The following AGBL4 variants were observed in gnomAD, a reference collection of about 807,000 sequenced individuals.
AGBL4 encodes cytosolic carboxypeptidase 6.
A neutral mutation model predicts 66.4 loss-of-function variants in AGBL4; 58 were observed. The ratio of observed to expected loss-of-function variants is 0.87; its 90% CI spans 0.71 to 1.09. The LOEUF (loss-of-function observed/expected upper bound fraction) is 1.09. Ranked by LOEUF, AGBL4 falls within the 50% of genes least tolerant of loss-of-function variation. The pLI, the probability that AGBL4 is intolerant of heterozygous loss-of-function variation, is 0.00. For synonymous variants in AGBL4, 234 were observed against 222.9 expected (o/e 1.05, Z -0.44); for missense variants, 579 against 631.0 (o/e 0.92, Z 0.88).
At chr1:49,107,181 AG>A (rs1409308304) in intron 4 of AGBL4, among the ~76,000 whole-genome samples, 1 of 152,212 alleles carries the variant, frequency 6.6e-6, no homozygotes, top group African/African-American at 2.4e-5. Context: ...TTCAATAATT[AG>A]TACTCATATA....
chr1:49,445,602 T>C (rs1455618683), intron 3 of AGBL4, among the ~76,000 whole-genome samples: 2 of 152,066 alleles, frequency 1.3e-5, no homozygotes, highest in East Asian at 1.9e-4. Context: ...AAAAGACCTA[T>C]GTTCAAGTTC....
At chr1:49,593,454 A>T (rs1468587496) in intron 3 of AGBL4, among the ~76,000 whole-genome samples, 1 of 152,156 alleles carries the variant, frequency 6.6e-6, no homozygotes, top group East Asian at 1.9e-4. Flanking sequence ...ACTGAAAACA[A>T]CTATAACTAT....
At chr1:49,085,190 T>C (rs1644882805) in intron 4 of AGBL4, among the ~76,000 whole-genome samples, 5 of 152,214 alleles carry the variant, frequency 3.3e-5, no homozygotes, top group Non-Finnish European at 5.9e-5. Flanking sequence ...CTGCCTGAGC[T>C]GAAACATCCA....
chr1:49,302,608 T>A (rs3052046), intron 3 of AGBL4, among the ~76,000 whole-genome samples: 16,235 of 110,026 alleles, frequency 0.15, 2,167 homozygotes, highest in Middle Eastern at 0.2. Flanking sequence ...TTATTTTATT[T>A]TTTTATTTTA....
intron 2 of AGBL4, among the ~76,000 whole-genome samples, chr1:49,779,951 T>C (rs1644296149): frequency 6.6e-6 from 1 of 151,812 alleles, no homozygotes; most frequent in Non-Finnish European, 1.5e-5. Context: ...AAAATTCAAC[T>C]CATCAAATAC....
chr1:49,555,062 C>T (rs1653311180), intron 3 of AGBL4, among the ~76,000 whole-genome samples: 1 of 152,178 alleles, frequency 6.6e-6, no homozygotes, highest in Non-Finnish European at 1.5e-5. Context: ...GAGTGGGTTG[C>T]CACTGCTGGC....
At chr1:49,596,496 A>C (rs1189264428) in intron 3 of AGBL4, among the ~76,000 whole-genome samples, 1 of 152,198 alleles carries the variant, frequency 6.6e-6, no homozygotes, top group Non-Finnish European at 1.5e-5. Context: ...AACACTTATC[A>C]GTAACAGCAC....
rs554758798 is a variant in AGBL4, at chr1:48,562,757, A to G, written c.1268-23019T>C. Among the ~76,000 whole-genome samples, 121 of 152,344 alleles carry G rather than the reference A, an allele frequency of 7.9e-4. 1 individual carries two copies. Among genetic ancestry groups the G allele is most frequent in the African/African-American group, 2.8e-3 (118 of 41,588 alleles). On this transcript the variant is annotated intron_variant, in intron 11 of 13. Coordinates refer to ENST00000371839, the MANE Select transcript of AGBL4 (RefSeq NM_032785.4). Reference sequence around the variant, plus strand: ...TAAGGAACTTCTGCTCAAATCATTCAGCTAGAAAGTAGCTGAGCTTGGATT... The same window carrying G: ...TAAGGAACTTCTGCTCAAATCATTCGGCTAGAAAGTAGCTGAGCTTGGATT...
At chr1:49,127,235 G>A (rs181773631) in intron 4 of AGBL4, among the ~76,000 whole-genome samples, 1 of 152,266 alleles carries the variant, frequency 6.6e-6, no homozygotes, top group African/African-American at 2.4e-5. Flanking sequence ...CCCAAGCATA[G>A]CTTGATGGTG....
At chr1:48,961,079 G>GT (rs1433095005) in intron 5 of AGBL4, among the ~76,000 whole-genome samples, 1 of 140,226 alleles carries the variant, frequency 7.1e-6, no homozygotes, top group African/African-American at 2.9e-5. Context: ...TCCCAGTCTG[G>GT]GGTGTGTGTG....
At chr1:49,049,662 G>A (rs905562770) in intron 4 of AGBL4, among the ~76,000 whole-genome samples, 2 of 151,982 alleles carry the variant, frequency 1.3e-5, no homozygotes, top group Non-Finnish European at 2.9e-5. Flanking sequence ...TCAGTATAAA[G>A]TAGAGACTCT....
At chr1:49,933,613 T>C (rs1557592942) in intron 1 of AGBL4, among the ~76,000 whole-genome samples, 1 of 152,026 alleles carries the variant, frequency 6.6e-6, no homozygotes, top group East Asian at 1.9e-4. Flanking sequence ...GGATTCACAA[T>C]AAAAAAGACG....
chr1:48,595,855 CG>C (rs1199175212), intron 9 of AGBL4, among the ~76,000 whole-genome samples: 1 of 152,192 alleles, frequency 6.6e-6, no homozygotes, highest in East Asian at 1.9e-4. Flanking sequence ...CTTCACATTT[CG>C]GCAGCACTTC....
chr1:49,518,705 A>G (rs1270276306), intron 3 of AGBL4, among the ~76,000 whole-genome samples: 1 of 152,122 alleles, frequency 6.6e-6, no homozygotes, highest in Non-Finnish European at 1.5e-5. Flanking sequence ...TTGATACTAT[A>G]AAGGAATGTA....
At chr1:49,025,079 T>C (rs1020353972) in intron 5 of AGBL4, among the ~76,000 whole-genome samples, 1 of 152,164 alleles carries the variant, frequency 6.6e-6, no homozygotes, top group Non-Finnish European at 1.5e-5. Context: ...GTGGCAGAGT[T>C]AAGGTTCTAA....
At chr1:48,803,113 C>T (rs937778932) in intron 6 of AGBL4, among the ~76,000 whole-genome samples, 1 of 152,242 alleles carries the variant, frequency 6.6e-6, no homozygotes, top group Non-Finnish European at 1.5e-5. Context: ...CCCAAGGTCA[C>T]ATGGCTTGGT....
intron 1 of AGBL4, among the ~76,000 whole-genome samples, chr1:49,935,517 G>A (rs553596384): frequency 1.7e-4 from 26 of 152,242 alleles, no homozygotes; most frequent in African/African-American, 2.9e-4. Context: ...ATCTGAGAAC[G>A]GGCAGACTAC....
At chr1:49,433,920 C>G (rs1243862265) in intron 3 of AGBL4, among the ~76,000 whole-genome samples, 1 of 152,144 alleles carries the variant, frequency 6.6e-6, no homozygotes, top group Non-Finnish European at 1.5e-5. Flanking sequence ...AAGAAATTGC[C>G]ACTGTCCTTC....
intron 11 of AGBL4, among the ~76,000 whole-genome samples, chr1:48,571,124 C>T (rs1644556633): frequency 6.6e-6 from 1 of 152,212 alleles, no homozygotes; most frequent in South Asian, 2.1e-4. Context: ...CTCACCACAA[C>T]CCTGAAAAGT....
Sources: gnomAD v4.1 joint callset for allele counts (sites outside exome capture counted in the v4.1 genomes callset) on GRCh38, gnomAD v4.1.1 for gene constraint, MANE v1.5 for transcripts, NCBI Gene and HGNC (gene_info 2026-07-23, HGNC 2026-07-21) for gene names.